The following SANBR variants were observed in gnomAD, a reference collection of about 807,000 sequenced individuals.
The protein encoded by SANBR is SANT and BTB domain regulator of CSR, also known as SANT and BTB domain regulator of class switch recombination.
SANBR carries 77 observed loss-of-function variants against 101.8 expected under a neutral mutation model. The observed-to-expected ratio is 0.76, with a 90% CI of 0.63 to 0.91. SANBR has a LOEUF of 0.91. Ranked by LOEUF, SANBR falls within the 40% of genes least tolerant of loss-of-function variation. The probability of loss-of-function intolerance (pLI) is 0.00; values close to 1 mark genes in which losing one functional copy is unlikely to be tolerated. For synonymous variants in SANBR, 279 were observed against 274.7 expected, an observed-to-expected ratio of 1.02 and a Z score of -0.15; for missense variants, 875 against 853.0, an observed-to-expected ratio of 1.03 and a Z score of -0.32.
chr2:61,111,744 G>C (rs1683840194), intron 16 of SANBR, among the ~76,000 whole-genome samples: 1 of 152,174 alleles, frequency 6.6e-6, no homozygotes, highest in Admixed American at 6.5e-5. Flanking sequence ...AGGCAACCAT[G>C]AATCTGTTTT....
intron 1 of SANBR, among the ~76,000 whole-genome samples, chr2:61,067,414 T>A (rs1047898085): frequency 3.9e-5 from 6 of 152,170 alleles, no homozygotes; most frequent in African/African-American, 1.4e-4. Flanking sequence ...CATTTTAGAT[T>A]GCTTTCTACC....
chr2:61,070,181 T>G, intron 2 of SANBR, 161 bp from the exon 3 acceptor site: 1 of 402,574 alleles, frequency 2.5e-6, no homozygotes, highest in Admixed American at 4.6e-5. Flanking sequence ...TCCTTTTTTG[T>G]GAAGAGATTT....
chr2:61,106,702 T>G, intron 14 of SANBR, 40 bp downstream of exon 14: 2 of 1,167,150 alleles, frequency 1.7e-6, no homozygotes, highest in Non-Finnish European at 2.5e-6. Flanking sequence ...TTTACATAAA[T>G]AATTAATGAC....
rs1192887910 is a variant in SANBR at position 61,118,081 on chromosome 2, G to T, written c.1993G>T (p.Asp665Tyr). Residue 665 changes from aspartate to tyrosine, a missense_variant, in exon 20 of 22, where the codon GAT becomes TAT. Coordinates refer to ENST00000402291, the MANE Select transcript of SANBR (RefSeq NM_001129993.3). ...GCACCTAATAAAAATGAGATTGGGGGATCTGGACCGAGTCAAGTCAAAGGA... is the reference window on the plus strand; with the variant it reads ...GCACCTAATAAAAATGAGATTGGGGTATCTGGACCGAGTCAAGTCAAAGGA... ...TGHLIKMRLG[D>Y]LDRVKSKEAK... 3 of 1,613,642 alleles carry T rather than the reference G, an allele frequency of 1.9e-6. No individual in the cohort carries two copies. The highest frequency in any genetic ancestry group is 3.3e-5 in the Admixed American group (2 of 59,972).
chr2:61,077,169 A>G lies in SANBR; in HGVS notation c.670+11A>G, dbSNP rs537528911. The G allele has an allele frequency of 1.9e-6, 3 of 1,544,438 alleles. No individual in the cohort carries two copies. The highest frequency in any genetic ancestry group is 2.7e-5 in the African/African-American group (2 of 73,454). ...AGATGCCCACTTTAGGTAAAAAACA[A>G]TCTGTTGCTTAATTTGTAGTGAAAT... is the stretch of plus-strand genomic sequence containing the variant. On this transcript the variant is annotated intron_variant, in intron 6 of 21. Coordinates refer to ENST00000402291, the MANE Select transcript of SANBR (RefSeq NM_001129993.3).
In SANBR at chr2:61,103,795, C is replaced by T. The variant is rs1474472560; in HGVS notation, c.1366-58C>T. The T allele has an allele frequency of 7.3e-6, 11 of 1,496,904 alleles. No homozygotes were observed. The South Asian group carries it at 1.3e-4, about 18-fold the overall frequency. The allele number at this position is 1,496,904 out of a possible 1,614,324, so 92.7% of individuals were successfully genotyped here. ...TGGCAAAGAAAAGAAAAACAGTGAT[C>T]TTTAAAGGAGTGTTCTATAACAAAC... On this transcript the variant is annotated intron_variant, in intron 12 of 21. Transcript: ENST00000402291.
chr2:61,088,638 A>C, intron 10 of SANBR, 170 bp downstream of exon 10: 1 of 405,264 alleles, frequency 2.5e-6, no homozygotes. Flanking sequence ...CTCCTGCCTC[A>C]GCTTCCTGAG....
intron 12 of SANBR, 53 bp downstream of exon 12, chr2:61,097,905 A>G: frequency 2.1e-6 from 3 of 1,452,748 alleles, no homozygotes; most frequent in Non-Finnish European, 2.9e-6. Context: ...TATAACAGTA[A>G]TACATTAATG....
chr2:61,077,072 A>G lies in SANBR; in HGVS notation c.584A>G (p.His195Arg), dbSNP rs1240953230. Residue 195 changes from histidine to arginine, a missense_variant, in exon 6 of 22, where the codon CAT (histidine) becomes CGT (arginine). Coordinates refer to ENST00000402291, the MANE Select transcript of SANBR (RefSeq NM_001129993.3). ...TGGGAAGAGGTGGACATTTCAGTTCATTGCGACGTTCACATTTTCAACTGG... is the reference window on the plus strand; with the variant it reads ...TGGGAAGAGGTGGACATTTCAGTTCGTTGCGACGTTCACATTTTCAACTGG... ...QRWEEVDISV[H>R]CDVHIFNWLI... The G allele has an allele frequency of 6.2e-7, 1 of 1,614,170 alleles. No homozygotes were observed. Among genetic ancestry groups the G allele is most frequent in the Non-Finnish European group, 8.5e-7 (1 of 1,180,006 alleles).
At chr2:61,072,501 C>T (rs1222775461) in intron 4 of SANBR, among the ~76,000 whole-genome samples, 1 of 152,104 alleles carries the variant, frequency 6.6e-6, no homozygotes, top group African/African-American at 2.4e-5. Flanking sequence ...TGCTTAAGCC[C>T]AGGAGGTGAA....
At chr2:61,078,376 A>G (rs985696683) in intron 6 of SANBR, among the ~76,000 whole-genome samples, 1 of 152,220 alleles carries the variant, frequency 6.6e-6, no homozygotes, top group African/African-American at 2.4e-5. Flanking sequence ...TCTTCTGTTA[A>G]GTCAGACATT....
chr2:61,101,290 GTTCT>G (rs553051980), intron 12 of SANBR, among the ~76,000 whole-genome samples: 73 of 152,230 alleles, frequency 4.8e-4, no homozygotes, highest in African/African-American at 1.7e-3. Context: ...AGTCTTTACA[GTTCT>G]TTCTAACCAC....
At chr2:61,128,596 G>C (rs960792868), downstream of SANBR, among the ~76,000 whole-genome samples, 1 of 151,806 alleles carries the variant, frequency 6.6e-6, no homozygotes, top group Non-Finnish European at 1.5e-5. Flanking sequence ...AGGTTCAAGT[G>C]ATTCTCCTGC....
chr2:61,117,441 T>TGATTTTTGTTCAATTTTTTCAA (rs1684128035), intron 18 of SANBR, 26 bp from the exon 19 acceptor site: 7 of 1,613,124 alleles, frequency 4.3e-6, no homozygotes, highest in Non-Finnish European at 5.9e-6. Flanking sequence ...GCATCAATGC[T>TGATTTTTGTTCAATTTTTTCAA]GATTTTTGTT....
chr2:61,131,814 CA>C (rs925665023), intron 20 of SANBR, among the ~76,000 whole-genome samples: 24 of 152,206 alleles, frequency 1.6e-4, no homozygotes, highest in Admixed American at 1.2e-3. Flanking sequence ...ATAGTCAAGA[CA>C]GTGCAGTACT....
At chr2:61,125,578 G>T (rs1462964117), downstream of SANBR, among the ~76,000 whole-genome samples, 1 of 152,186 alleles carries the variant, frequency 6.6e-6, no homozygotes, top group East Asian at 1.9e-4. Flanking sequence ...GTAAGTGAAG[G>T]CCATAGCAAA....
In SANBR at chr2:61,073,485, A is replaced by G. The variant is rs1332560181; in HGVS notation, c.365A>G (p.Asn122Ser). The G allele has an allele frequency of 6.3e-7, 1 of 1,581,822 alleles. No homozygotes were observed. Residue 122 changes from asparagine to serine, a missense_variant, in exon 5 of 22, where the codon AAT becomes AGT. Coordinates refer to ENST00000402291, the MANE Select transcript of SANBR (RefSeq NM_001129993.3). The part of the protein sequence containing the change: ...TGRHSIASTR[N>S]CSSESENCTT... Reference sequence around the variant, plus strand: ...AGACATAGTATAGCTTCCACAAGGAATTGTTCTTCAGAAAGTGAAAATTGT... The same window carrying G: ...AGACATAGTATAGCTTCCACAAGGAGTTGTTCTTCAGAAAGTGAAAATTGT...
chr2:61,126,769 CAAAA>C (rs34858449), downstream of SANBR, among the ~76,000 whole-genome samples: 156 of 109,152 alleles, frequency 1.4e-3, no homozygotes, highest in African/African-American at 4.9e-3. Context: ...GCCACTGTCT[CAAAA>C]AAAAAAAAAA....
intron 8 of SANBR, among the ~76,000 whole-genome samples, chr2:61,087,538 A>C (rs1442020267): frequency 1.3e-5 from 2 of 152,132 alleles, no homozygotes; most frequent in South Asian, 2.1e-4. Context: ...TGGGTGATGG[A>C]GCAAGACCCT....
Sources: allele counts gnomAD v4.1 joint callset (sites outside exome capture counted in the v4.1 genomes callset), GRCh38; gene constraint gnomAD v4.1.1; transcripts MANE v1.5; gene names NCBI Gene and HGNC (gene_info 2026-07-23, HGNC 2026-07-21).